The following MGAT4C variants were observed in gnomAD, a reference collection of about 807,000 sequenced individuals.
MGAT4C encodes alpha-1,3-mannosyl-glycoprotein 4-beta-N-acetylglucosaminyltransferase C.
Under a neutral mutation model 40.1 loss-of-function variants are expected in MGAT4C, and 19 were observed. That is an observed-to-expected ratio of 0.47 (90% CI 0.33 to 0.70). The LOEUF is 0.70. MGAT4C is among the 30% of genes least tolerant of loss of function. MGAT4C has a pLI of 0.02. For synonymous variants in MGAT4C, 181 were observed against 187.1 expected, an observed-to-expected ratio of 0.97 and a Z score of 0.27; for missense variants, 491 against 563.2, an observed-to-expected ratio of 0.87 and a Z score of 1.30.
intron 2 of MGAT4C, among the ~76,000 whole-genome samples, chr12:86,439,484 A>T (rs1957191471): frequency 6.6e-6 from 1 of 152,210 alleles, no homozygotes; most frequent in East Asian, 1.9e-4. Context: ...CGCAATGCTA[A>T]GAGGAAAGTC....
chr12:86,060,625 T>A (rs1003491558), intron 1 of MGAT4C, among the ~76,000 whole-genome samples: 20 of 152,184 alleles, frequency 1.3e-4, no homozygotes, highest in African/African-American at 4.8e-4. Flanking sequence ...AATCTTTCAA[T>A]TTGCAGCTGT....
chr12:86,215,107 A>C (rs1302017998), intron 1 of MGAT4C, among the ~76,000 whole-genome samples: 1 of 130,074 alleles, frequency 7.7e-6, no homozygotes, highest in Non-Finnish European at 1.7e-5. Flanking sequence ...AGGATGCTGT[A>C]ATTAACAAGA....
chr12:86,498,083 T>C (rs1184563474), intron 2 of MGAT4C, among the ~76,000 whole-genome samples: 2 of 150,502 alleles, frequency 1.3e-5, no homozygotes, highest in Admixed American at 1.3e-4. Context: ...CTGTAGTAGA[T>C]TTTTGTTTGT....
chr12:86,799,295 C>T (rs1474355527), intron 1 of MGAT4C, among the ~76,000 whole-genome samples: 1 of 151,618 alleles, frequency 6.6e-6, no homozygotes, highest in Non-Finnish European at 1.5e-5. Flanking sequence ...TTAGTTAAGG[C>T]ATAATTTCTC....
chr12:86,797,247 C>G (rs924439176), intron 1 of MGAT4C, among the ~76,000 whole-genome samples: 65 of 151,922 alleles, frequency 4.3e-4, no homozygotes, highest in Non-Finnish European at 4.4e-5. Flanking sequence ...ATTTCAAGCG[C>G]CTTCCCATTA....
chr12:86,480,198 T>C (rs975956961), intron 2 of MGAT4C, among the ~76,000 whole-genome samples: 1 of 151,780 alleles, frequency 6.6e-6, no homozygotes, highest in Admixed American at 6.6e-5. Context: ...AAACCACTCT[T>C]GCCATTAGAG....
At chr12:85,987,012 A>G (rs1302440992) in intron 3 of MGAT4C, among the ~76,000 whole-genome samples, 2 of 152,062 alleles carry the variant, frequency 1.3e-5, no homozygotes, top group African/African-American at 4.8e-5. Context: ...ATTGTTAAAT[A>G]ATAAAAATGC....
chr12:86,358,394 C>A (rs552209175), intron 3 of MGAT4C, among the ~76,000 whole-genome samples: 1 of 152,120 alleles, frequency 6.6e-6, no homozygotes, highest in Non-Finnish European at 1.5e-5. Flanking sequence ...TAAAGACCAT[C>A]GAGGCTAGGA....
chr12:86,581,330 G>A (rs541057215), intron 2 of MGAT4C, among the ~76,000 whole-genome samples: 28 of 151,468 alleles, frequency 1.8e-4, no homozygotes, highest in Admixed American at 4.0e-4. Context: ...ATTAAAGTCC[G>A]AAAAAGACAG....
intron 1 of MGAT4C, among the ~76,000 whole-genome samples, chr12:86,156,565 C>A (rs1884959559): frequency 6.6e-6 from 1 of 152,182 alleles, no homozygotes; most frequent in Admixed American, 6.5e-5. Flanking sequence ...AGGTGAGCTG[C>A]CCACCTTGGC....
rs1883102539 is a variant in MGAT4C at position 85,961,364 on chromosome 12, G to C, written c.*17925C>G. 1 of 151,786 alleles carries C rather than the reference G, an allele frequency of 6.6e-6. No homozygotes were observed. Among genetic ancestry groups the C allele is most frequent in the African/African-American group, 2.4e-5 (1 of 41,398 alleles). 9.4% of individuals were successfully genotyped at this position (151,786 alleles called of 1,614,324 possible). ...ACATTTAAGCATCTTCTGTTTCTGT[G>C]ATTCCCATTTTTGGAGAGTAAAAAT... is the stretch of plus-strand genomic sequence containing the variant. On this transcript the variant is annotated 3_prime_UTR_variant, in exon 5 of 5. Coordinates refer to ENST00000611864, the MANE Select transcript of MGAT4C (RefSeq NM_001351288.2).
intron 1 of MGAT4C, among the ~76,000 whole-genome samples, chr12:86,203,728 C>T (rs966902055): frequency 6.6e-6 from 1 of 151,756 alleles, no homozygotes; most frequent in Non-Finnish European, 1.5e-5. Context: ...GAGGTTGAGG[C>T]GGGCGGATCA....
intron 2 of MGAT4C, among the ~76,000 whole-genome samples, chr12:86,705,382 T>A (rs1045166348): frequency 6.6e-6 from 1 of 151,984 alleles, no homozygotes; most frequent in Non-Finnish European, 1.5e-5. Flanking sequence ...AGTGCTAAAC[T>A]TCATGATGCA....
At chr12:86,529,551 T>C (rs982777070) in intron 2 of MGAT4C, among the ~76,000 whole-genome samples, 1 of 152,066 alleles carries the variant, frequency 6.6e-6, no homozygotes, top group Non-Finnish European at 1.5e-5. Context: ...CATCTCTTAT[T>C]AACTGCACTG....
intron 4 of MGAT4C, among the ~76,000 whole-genome samples, chr12:86,331,337 C>T (rs984378137): frequency 1.3e-5 from 2 of 152,086 alleles, no homozygotes; most frequent in African/African-American, 4.8e-5. Context: ...AGTGTGTTTA[C>T]TGAAGTTATA....
intron 2 of MGAT4C, among the ~76,000 whole-genome samples, chr12:86,454,704 A>G (rs558015679): frequency 6.6e-6 from 1 of 152,304 alleles, no homozygotes; most frequent in Admixed American, 6.5e-5. Flanking sequence ...GCACTGGAGT[A>G]GTAAGCAAAG....
intron 2 of MGAT4C, among the ~76,000 whole-genome samples, chr12:86,558,401 A>G (rs1959711615): frequency 6.6e-6 from 1 of 152,130 alleles, no homozygotes; most frequent in Non-Finnish European, 1.5e-5. Flanking sequence ...CCCAAAGCAC[A>G]TTATAGTCAA....
intron 1 of MGAT4C, among the ~76,000 whole-genome samples, chr12:86,172,614 T>G (rs1229557894): frequency 6.6e-6 from 1 of 152,136 alleles, no homozygotes; most frequent in Non-Finnish European, 1.5e-5. Flanking sequence ...ATGCCACATA[T>G]AATTTATCAT....
intron 3 of MGAT4C, among the ~76,000 whole-genome samples, chr12:86,346,594 C>T (rs1028752647): frequency 1.3e-5 from 2 of 152,108 alleles, no homozygotes; most frequent in African/African-American, 4.8e-5. Context: ...TACATTATTA[C>T]AATTAATAAA....
Sources: allele counts gnomAD v4.1 joint callset (sites outside exome capture counted in the v4.1 genomes callset), GRCh38; gene constraint gnomAD v4.1.1; transcripts MANE v1.5; gene names NCBI Gene and HGNC (gene_info 2026-07-23, HGNC 2026-07-21).